The following NIM1K variants were observed in gnomAD, a reference collection of about 807,000 sequenced individuals.
NIM1K encodes NIM1 serine/threonine protein kinase.
In NIM1K, 35 loss-of-function variants were observed where a neutral mutation model predicts 37.1. The ratio of observed to expected loss-of-function variants is 0.94; its 90% confidence interval spans 0.72 to 1.25. NIM1K has a LOEUF of 1.25. NIM1K is among the 50% of genes most tolerant of loss of function. The pLI, the probability that NIM1K is intolerant of heterozygous loss-of-function variation, is 0.00. For synonymous variants in NIM1K, 234 were observed against 206.6 expected (o/e 1.13, Z -1.14); for missense variants, 564 against 548.0 (o/e 1.03, Z -0.29).
rs199530797 is a variant in NIM1K at position 43,208,610 on chromosome 5, G to GA, written c.-695+16209dup. Among the ~76,000 whole-genome samples, 512 of 143,926 alleles carry GA rather than the reference G, an allele frequency of 3.6e-3. 6 individuals carry two copies. Among genetic ancestry groups the GA allele is most frequent in the African/African-American group, 0.012 (477 of 39,060 alleles). 94.4% of individuals were successfully genotyped at this position (143,926 alleles called of 152,430 possible). A position where few individuals can be genotyped will look rare whatever the true frequency, so the allele number is the denominator to read the frequency against. On this transcript the variant is annotated intron_variant, in intron 1 of 3. Coordinates refer to ENST00000326035, the MANE Select transcript of NIM1K (RefSeq NM_153361.4). Reference sequence around the variant, plus strand: ...GGGCAGGACTCTGTCTCAAAAAAAAGAAAAAAAAAAGAAAAAAGAAAAGAG... The same window carrying GA: ...GGGCAGGACTCTGTCTCAAAAAAAAGAAAAAAAAAAAGAAAAAAGAAAAGAG...
intron 1 of NIM1K, among the ~76,000 whole-genome samples, chr5:43,229,695 G>A (rs1050432692): frequency 2.7e-5 from 4 of 149,016 alleles, no homozygotes; most frequent in African/African-American, 9.9e-5. Flanking sequence ...GGAGTGCAGT[G>A]GCACCATCTC....
intron 1 of NIM1K, among the ~76,000 whole-genome samples, chr5:43,241,425 C>T (rs563294894): frequency 1.3e-5 from 2 of 151,572 alleles, no homozygotes; most frequent in South Asian, 2.1e-4. Flanking sequence ...TTCTCGCCTC[C>T]GCCTCCTGGG....
rs148333969 is a variant in NIM1K at position 43,276,968 on chromosome 5, A to G, written c.293-89A>G. On this transcript the variant is annotated intron_variant, in intron 2 of 3. Transcript: ENST00000326035. ...GCTTGGGAACAGCCACTCTCTGTCT[A>G]GTAAAGGAAAGGAGCTGATCCAGGT... The G allele has an allele frequency of 8.1e-4, 1,059 of 1,301,228 alleles. 16 individuals carry two copies. In the East Asian group the frequency reaches 0.021, roughly 26 times the overall value. 80.6% of individuals were successfully genotyped at this position (1,301,228 alleles called of 1,614,324 possible).
intron 2 of NIM1K, among the ~76,000 whole-genome samples, chr5:43,261,095 G>A (rs1753022926): frequency 6.6e-6 from 1 of 152,200 alleles, no homozygotes; most frequent in African/African-American, 2.4e-5. Flanking sequence ...CTTTATAGCA[G>A]CATGATTTAT....
intron 2 of NIM1K, among the ~76,000 whole-genome samples, chr5:43,256,416 G>A (rs1274947240): frequency 6.6e-6 from 1 of 152,160 alleles, no homozygotes; most frequent in Non-Finnish European, 1.5e-5. Context: ...CAAAAGGTTA[G>A]GTAAACACAA....
chr5:43,256,244 C>T (rs1424849711), intron 2 of NIM1K, among the ~76,000 whole-genome samples: 1 of 150,638 alleles, frequency 6.6e-6, no homozygotes, highest in Non-Finnish European at 1.5e-5. Context: ...CAGTTAGGAG[C>T]CTGTTGTATT....
At chr5:43,233,147 C>T in intron 1 of NIM1K, 1 of 1,319,260 alleles carries the variant, frequency 7.6e-7, no homozygotes, top group Non-Finnish European at 1.1e-6. Context: ...CCAGCCTGGC[C>T]AATGAGATGG....
intron 1 of NIM1K, among the ~76,000 whole-genome samples, chr5:43,210,134 G>T (rs150577364): frequency 6.6e-6 from 1 of 151,706 alleles, no homozygotes; most frequent in East Asian, 1.9e-4. Context: ...TTCCGCTTAG[G>T]GTATTAGAAA....
chr5:43,275,398 A>C (rs551137572), intron 2 of NIM1K, among the ~76,000 whole-genome samples: 3 of 152,198 alleles, frequency 2.0e-5, no homozygotes, highest in East Asian at 1.9e-4. Flanking sequence ...ATCCTTGTAC[A>C]TGCATCAGAT....
intron 2 of NIM1K, among the ~76,000 whole-genome samples, chr5:43,255,067 A>G (rs1752920314): frequency 1.3e-5 from 2 of 152,212 alleles, no homozygotes; most frequent in Non-Finnish European, 2.9e-5. Flanking sequence ...AACTAGTAAT[A>G]ACTTATGGGA....
chr5:43,206,570 T>A, intron 1 of NIM1K: 1 of 494,930 alleles, frequency 2.0e-6, no homozygotes, highest in South Asian at 2.6e-5. Flanking sequence ...ATTAGGAGGG[T>A]CTTGAAGGCT....
chr5:43,194,601 T>C (rs1442925683), intron 1 of NIM1K, among the ~76,000 whole-genome samples: 1 of 152,180 alleles, frequency 6.6e-6, no homozygotes, highest in Non-Finnish European at 1.5e-5. Flanking sequence ...AAGGTTTAAT[T>C]TGGGGCAAGC....
chr5:43,236,841 G>C (rs1055761418), intron 1 of NIM1K, among the ~76,000 whole-genome samples: 5 of 152,184 alleles, frequency 3.3e-5, no homozygotes, highest in African/African-American at 4.8e-5. Flanking sequence ...GGGAGAGGTG[G>C]TGTCACAGAG....
chr5:43,230,999 G>A (rs186213214), intron 1 of NIM1K, among the ~76,000 whole-genome samples: 1 of 152,300 alleles, frequency 6.6e-6, no homozygotes, highest in East Asian at 1.9e-4. Flanking sequence ...GTATTTGCAT[G>A]GCACTTTACA....
chr5:43,228,578 G>A (rs889276283), intron 1 of NIM1K, among the ~76,000 whole-genome samples: 1 of 151,766 alleles, frequency 6.6e-6, no homozygotes, highest in African/African-American at 2.4e-5. Flanking sequence ...TAATCCCAGC[G>A]TTTTGGGAGG....
chr5:43,261,154 T>A (rs1443390788), intron 2 of NIM1K, among the ~76,000 whole-genome samples: 1 of 152,240 alleles, frequency 6.6e-6, no homozygotes, highest in African/African-American at 2.4e-5. Flanking sequence ...TCAAATGGTA[T>A]TTCTAGTTCT....
chr5:43,196,529 G>A (rs1304579395), intron 1 of NIM1K, among the ~76,000 whole-genome samples: 1 of 151,926 alleles, frequency 6.6e-6, no homozygotes, highest in Non-Finnish European at 1.5e-5. Context: ...CAGCTACTCG[G>A]GAGGCTGAGG....
At chr5:43,277,427 C>T in intron 3 of NIM1K, 102 bp downstream of exon 3, 2 of 1,277,362 alleles carry the variant, frequency 1.6e-6, no homozygotes, top group Non-Finnish European at 2.2e-6. Context: ...GGGCTTTTGT[C>T]CTACAAAGCA....
intron 1 of NIM1K, among the ~76,000 whole-genome samples, chr5:43,201,836 G>T (rs1752024885): frequency 6.6e-6 from 1 of 151,972 alleles, no homozygotes; most frequent in Admixed American, 6.6e-5. Context: ...GCACGCACCT[G>T]TAGTCCCAGC....
Sources: gnomAD v4.1 joint callset for allele counts (sites outside exome capture counted in the v4.1 genomes callset) on GRCh38, gnomAD v4.1.1 for gene constraint, MANE v1.5 for transcripts, NCBI Gene and HGNC (gene_info 2026-07-23, HGNC 2026-07-21) for gene names.